DEK: variants seen among roughly 807,000 people sequenced by gnomAD.
DEK encodes the protein DEK proto-oncogene, also known as protein DEK.
In DEK, 28 loss-of-function variants were observed where a neutral mutation model predicts 46.8. The observed-to-expected ratio is 0.60, with a 90% CI of 0.44 to 0.82. The LOEUF (loss-of-function observed/expected upper bound fraction) is 0.82. DEK is among the 40% of genes least tolerant of loss of function. DEK has a pLI of 0.00. For missense variants in DEK, 416 were observed against 430.6 expected, an observed-to-expected ratio of 0.97 and a Z score of 0.30; for synonymous variants, 160 against 144.5, an observed-to-expected ratio of 1.11 and a Z score of -0.77.
chr6:18,257,815 A>C (rs1791666969), intron 4 of DEK, 138 bp downstream of exon 4: 1 of 461,304 alleles, frequency 2.2e-6, no homozygotes, highest in African/African-American at 2.0e-5. Context: ...TCCTGTGATA[A>C]ATCATTTAAT....
At chr6:18,240,159 TGACA>T (rs1190147982) in intron 7 of DEK, among the ~76,000 whole-genome samples, 1 of 152,242 alleles carries the variant, frequency 6.6e-6, no homozygotes, top group Non-Finnish European at 1.5e-5. Context: ...TTGTGAGTAG[TGACA>T]GTTTGTCAAA....
intron 10 of DEK, 85 bp downstream of exon 10, chr6:18,226,085 CATGA>C: frequency 6.8e-6 from 7 of 1,033,916 alleles, no homozygotes; most frequent in Non-Finnish European, 9.2e-6. Context: ...TATTTAGTGA[CATGA>C]ATATTTTGAA....
chr6:18,232,804 A>G (rs1160859491), intron 9 of DEK, among the ~76,000 whole-genome samples: 1 of 152,216 alleles, frequency 6.6e-6, no homozygotes, highest in Non-Finnish European at 1.5e-5. Flanking sequence ...ATTCAATGCC[A>G]TCCCCATCAA....
chr6:18,238,604 A>C (rs1444892319), intron 7 of DEK, among the ~76,000 whole-genome samples: 1 of 151,474 alleles, frequency 6.6e-6, no homozygotes, highest in Non-Finnish European at 1.5e-5. Context: ...GGCTGAGGCA[A>C]GAGAATTGCT....
chr6:18,252,120 T>C (rs571100815), intron 6 of DEK, among the ~76,000 whole-genome samples: 18 of 152,204 alleles, frequency 1.2e-4, no homozygotes, highest in South Asian at 4.2e-4. Flanking sequence ...TAAAGTACAA[T>C]AGAAGGATAG....
intron 7 of DEK, among the ~76,000 whole-genome samples, chr6:18,240,518 T>A (rs943225102): frequency 6.6e-6 from 1 of 152,202 alleles, no homozygotes; most frequent in Non-Finnish European, 1.5e-5. Context: ...GTAGATACAT[T>A]AACAGATGAA....
Position 18,256,288 on chromosome 6 carries a change from G to A in DEK, c.452+73C>T, listed in dbSNP as rs567540234. ...AGGTGTGAGCCACTGTGCCTGGCCC[G>A]AATGTGATTTAACATTAAAAAATAA... On this transcript the variant is annotated intron_variant, in intron 5 of 10. Transcript: ENST00000652689. 66 of 1,345,612 alleles carry A rather than the reference G, an allele frequency of 4.9e-5. No individual in the cohort carries two copies. In the East Asian group the frequency reaches 1.5e-3, roughly 30 times the overall value. 83.4% of individuals were successfully genotyped at this position (1,345,612 alleles called of 1,614,324 possible).
At chr6:18,225,949 G>A in intron 10 of DEK, 3 of 687,982 alleles carry the variant, frequency 4.4e-6, no homozygotes, top group South Asian at 2.2e-5. Flanking sequence ...GGTACACCAT[G>A]AGGCCACATC....
rs181741194 is a variant in DEK, at chr6:18,257,847, C to T, written c.357+106G>A. On this transcript the variant is annotated intron_variant, in intron 4 of 10. Coordinates refer to ENST00000652689, the MANE Select transcript of DEK (RefSeq NM_003472.4). ...TAATAAGTATATACCTCAGTCTGCT[C>T]AGTCATAAAGTGTGGAAATTGAACT... The T allele has an allele frequency of 7.8e-4, 539 of 687,766 alleles. 5 individuals are homozygous for T. Among genetic ancestry groups the T allele is most frequent in the South Asian group, 6.5e-3 (253 of 39,224 alleles). The allele number at this position is 687,766 out of a possible 1,614,324, so 42.6% of individuals were successfully genotyped here.
rs779808131 is a variant in DEK at position 18,258,451 on chromosome 6, T to C, written c.146-46A>G. The C allele has an allele frequency of 6.6e-5, 94 of 1,422,828 alleles. No individual in the cohort carries two copies. In the Middle Eastern group the frequency reaches 7.1e-4, roughly 11 times the overall value. The allele number at this position is 1,422,828 out of a possible 1,614,324, so 88.1% of individuals were successfully genotyped here. Reference sequence around the variant, plus strand: ...TCTTAATTAACAAAAAGCTTAAACATTGTATTAACTTTATTAGATACACAT... The same window carrying C: ...TCTTAATTAACAAAAAGCTTAAACACTGTATTAACTTTATTAGATACACAT... On this transcript the variant is annotated intron_variant, in intron 2 of 10. Coordinates refer to ENST00000652689, the MANE Select transcript of DEK (RefSeq NM_003472.4).
chr6:18,263,697 G>A (rs1209681185), intron 2 of DEK, 146 bp downstream of exon 2: 2 of 1,548,742 alleles, frequency 1.3e-6, no homozygotes, highest in East Asian at 2.3e-5. Flanking sequence ...AACAAAAGCA[G>A]ATAAATTGTG....
intron 7 of DEK, among the ~76,000 whole-genome samples, chr6:18,248,358 G>A (rs1460556514): frequency 5.3e-5 from 8 of 152,076 alleles, no homozygotes; most frequent in Non-Finnish European, 1.5e-5. Flanking sequence ...GAGAGTTTAG[G>A]AATCTGAATG....
intron 7 of DEK, among the ~76,000 whole-genome samples, chr6:18,241,485 T>C (rs912047962): frequency 1.2e-4 from 18 of 152,178 alleles, no homozygotes; most frequent in Admixed American, 5.9e-4. Context: ...GATTAATCCA[T>C]ACTCTCAAAG....
intron 5 of DEK, among the ~76,000 whole-genome samples, chr6:18,256,160 T>C (rs756312837): frequency 2.4e-4 from 37 of 152,012 alleles, no homozygotes; most frequent in Non-Finnish European, 4.6e-4. Context: ...GCTAATTTTG[T>C]ATCTTTAGTG....
chr6:18,263,869 T>C lies in DEK; in HGVS notation c.119A>G (p.Asp40Gly). 6.2e-7 allele frequency: 1 copy of C among 1,612,680 alleles called. No homozygotes were observed. The highest frequency in any genetic ancestry group is 8.5e-7 in the Non-Finnish European group (1 of 1,179,356). Residue 40 changes from aspartate to glycine, a missense_variant, in exon 2 of 11, where the codon GAC becomes GGC. By Grantham distance (94) the Asp-to-Gly change is moderately conservative. Coordinates refer to ENST00000652689, the MANE Select transcript of DEK (RefSeq NM_003472.4). ...TTTTTCCTCCTCCTCCTCCTCCTCGTCGTCCTCGTCCTCTTCCTCCTCGCT... is the reference window on the plus strand; with the variant it reads ...TTTTTCCTCCTCCTCCTCCTCCTCGCCGTCCTCGTCCTCTTCCTCCTCGCT... ...EESEEEEDED[D>G]EEEEEEEKEK... is the part of the protein sequence containing the mutation.
intron 9 of DEK, among the ~76,000 whole-genome samples, chr6:18,227,637 G>C (rs1790202140): frequency 6.6e-6 from 1 of 152,050 alleles, no homozygotes; most frequent in Admixed American, 6.5e-5. Context: ...TCTTTTCTAA[G>C]TCTCTCGTTT....
rs1790007880 is a variant in DEK at position 18,224,192 on chromosome 6, T to A, written c.*1527A>T. On this transcript the variant is annotated 3_prime_UTR_variant, in exon 11 of 11. Transcript: ENST00000652689. ...ACTTAAAACACCAGTGATTTAGATT[T>A]ATTTTTATTGACAAGGTTTATAAGA... 1 of 175,600 alleles carries A rather than the reference T, an allele frequency of 5.7e-6. No individual in the cohort carries two copies. The highest frequency in any genetic ancestry group is 1.2e-5 in the Non-Finnish European group (1 of 81,230). 10.9% of individuals were successfully genotyped at this position (175,600 alleles called of 1,614,324 possible).
chr6:18,234,630 T>G (rs543442489), intron 9 of DEK, among the ~76,000 whole-genome samples: 4 of 152,178 alleles, frequency 2.6e-5, no homozygotes, highest in African/African-American at 7.2e-5. Context: ...AAGCCATTAT[T>G]ATGAATTCCT....
At chr6:18,241,295 A>G (rs1257503677) in intron 7 of DEK, among the ~76,000 whole-genome samples, 1 of 152,216 alleles carries the variant, frequency 6.6e-6, no homozygotes, top group East Asian at 1.9e-4. Flanking sequence ...TTTGGAGGTA[A>G]CAGAAAAAAA....
Sources: allele counts gnomAD v4.1 joint callset (sites outside exome capture counted in the v4.1 genomes callset), GRCh38; gene constraint gnomAD v4.1.1; transcripts MANE v1.5; gene names NCBI Gene and HGNC (gene_info 2026-07-23, HGNC 2026-07-21).